Variants in PCDH9 observed in about 807,000 individuals in gnomAD.
The protein encoded by PCDH9 is protocadherin 9.
A neutral mutation model predicts 70.6 loss-of-function variants in PCDH9; 24 were observed. That is an observed-to-expected ratio of 0.34 (90% CI 0.25 to 0.48). The LOEUF is 0.48. PCDH9 is among the 20% of genes least tolerant of loss of function. PCDH9 has a pLI of 0.99. For missense variants in PCDH9, 1,281 were observed against 1,503.6 expected (o/e 0.85, Z 2.45); for synonymous variants, 562 against 558.5 (o/e 1.01, Z -0.09).
chr13:67,195,597 AC>A (rs1371502931), intron 2 of PCDH9, among the ~76,000 whole-genome samples: 1 of 152,186 alleles, frequency 6.6e-6, no homozygotes, highest in Non-Finnish European at 1.5e-5. Flanking sequence ...ATTTGTGCCA[AC>A]TAGAATGCTT....
intron 4 of PCDH9, among the ~76,000 whole-genome samples, chr13:66,623,418 TG>T (rs995251023): frequency 6.6e-6 from 1 of 152,172 alleles, no homozygotes; most frequent in African/African-American, 2.4e-5. Context: ...GCTCACCTGC[TG>T]GCAAGTAGGC....
intron 2 of PCDH9, chr13:67,217,113 C>T (rs1255871845): frequency 2.6e-5 from 4 of 151,922 alleles, no homozygotes; most frequent in African/African-American, 9.7e-5. Flanking sequence ...TTGCATCCAC[C>T]GAATCCAAAA....
At chr13:66,532,269 G>A (rs1960495908) in intron 4 of PCDH9, among the ~76,000 whole-genome samples, 1 of 151,840 alleles carries the variant, frequency 6.6e-6, no homozygotes, top group Admixed American at 6.6e-5. Context: ...CTCCCAAAGT[G>A]TCCGGATGAT....
At chr13:67,034,225 C>T (rs1207192489) in intron 2 of PCDH9, among the ~76,000 whole-genome samples, 1 of 152,046 alleles carries the variant, frequency 6.6e-6, no homozygotes. Flanking sequence ...CCTTGTTATC[C>T]ACCCACCTCA....
chr13:66,956,577 C>A (rs1287722181), intron 2 of PCDH9, among the ~76,000 whole-genome samples: 1 of 152,022 alleles, frequency 6.6e-6, no homozygotes. Context: ...ATGGTGAAAA[C>A]CCCTCTCTAC....
At chr13:66,732,577 A>T (rs1003727332) in intron 3 of PCDH9, among the ~76,000 whole-genome samples, 2 of 152,070 alleles carry the variant, frequency 1.3e-5, no homozygotes, top group African/African-American at 4.8e-5. Flanking sequence ...TATTAAAGCC[A>T]AATTTCCAAA....
intron 2 of PCDH9, among the ~76,000 whole-genome samples, chr13:67,006,185 C>T (rs936945572): frequency 1.3e-5 from 2 of 152,140 alleles, no homozygotes; most frequent in African/African-American, 4.8e-5. Context: ...GGAGATCGTG[C>T]CACTGCACTC....
rs1425269335 is a variant in PCDH9 at position 66,700,923 on chromosome 13, A to AAC, written c.3139-69513_3139-69512insGT. ...ATGAAAATATATGTGTGTACATATAAATATATATATATATATATATATATA... is the reference window on the plus strand; with the variant it reads ...ATGAAAATATATGTGTGTACATATAAACATATATATATATATATATATATATA... On this transcript the variant is annotated intron_variant, in intron 3 of 4. Transcript: ENST00000377865. 1.4e-3 allele frequency among the ~76,000 whole-genome samples: 82 copies of AAC among 58,450 alleles called. 1 individual carries two copies. Among genetic ancestry groups the AAC allele is most frequent in the Non-Finnish European group, 1.9e-3 (59 of 30,768 alleles). The allele number at this position is 58,450 out of a possible 152,430, so 38.3% of individuals were successfully genotyped here. A position where few individuals can be genotyped will look rare whatever the true frequency, so the allele number is the denominator to read the frequency against.
intron 2 of PCDH9, among the ~76,000 whole-genome samples, chr13:67,136,255 G>A (rs1006751503): frequency 1.3e-5 from 2 of 152,126 alleles, no homozygotes; most frequent in Non-Finnish European, 2.9e-5. Context: ...GCTGTACCAC[G>A]TAGCCTAGGT....
At chr13:66,492,011 C>T (rs987599539) in intron 4 of PCDH9, among the ~76,000 whole-genome samples, 8 of 152,096 alleles carry the variant, frequency 5.3e-5, no homozygotes, top group Non-Finnish European at 1.2e-4. Context: ...GTTTGGTTCT[C>T]AAATGGGTAT....
chr13:66,799,511 C>T (rs1034578496), intron 3 of PCDH9, among the ~76,000 whole-genome samples: 5 of 152,114 alleles, frequency 3.3e-5, no homozygotes, highest in African/African-American at 7.2e-5. Context: ...AACTTGTGTT[C>T]CTCTAATAGA....
At chr13:66,467,600 A>C (rs1958540590) in intron 4 of PCDH9, among the ~76,000 whole-genome samples, 1 of 152,060 alleles carries the variant, frequency 6.6e-6, no homozygotes, top group African/African-American at 2.4e-5. Flanking sequence ...CCATTATCTA[A>C]GGGCATGCTC....
chr13:66,539,611 C>G (rs1353942997), intron 4 of PCDH9, among the ~76,000 whole-genome samples: 4 of 152,064 alleles, frequency 2.6e-5, no homozygotes, highest in Non-Finnish European at 5.9e-5. Flanking sequence ...GTTACTGACC[C>G]ACAGAATCTG....
intron 3 of PCDH9, among the ~76,000 whole-genome samples, chr13:66,734,054 C>T (rs1012580351): frequency 3.9e-5 from 6 of 152,180 alleles, no homozygotes; most frequent in Middle Eastern, 3.4e-3. Flanking sequence ...GTAAGATTTC[C>T]CACACTAAAC....
At chr13:66,653,949 C>T (rs1303923634) in intron 3 of PCDH9, among the ~76,000 whole-genome samples, 1 of 124,538 alleles carries the variant, frequency 8.0e-6, no homozygotes, top group East Asian at 2.3e-4. Context: ...GCCTGGGCGA[C>T]AAAGCGAGAC....
chr13:66,651,084 G>T (rs2077844772), intron 3 of PCDH9, among the ~76,000 whole-genome samples: 1 of 150,950 alleles, frequency 6.6e-6, no homozygotes. Context: ...CAAAAAAGCA[G>T]AAAAACTTCA....
At chr13:66,724,491 T>C (rs924938266) in intron 3 of PCDH9, among the ~76,000 whole-genome samples, 6 of 152,192 alleles carry the variant, frequency 3.9e-5, no homozygotes, top group Admixed American at 2.6e-4. Flanking sequence ...TCTTATCTAT[T>C]GCAAGAGAAT....
intron 4 of PCDH9, among the ~76,000 whole-genome samples, chr13:66,424,651 T>C (rs1957636027): frequency 6.6e-6 from 1 of 151,948 alleles, no homozygotes; most frequent in South Asian, 2.1e-4. Context: ...GAAGTTTCCA[T>C]TACAGTATTC....
intron 2 of PCDH9, among the ~76,000 whole-genome samples, chr13:67,071,849 A>G (rs1356108589): frequency 1.4e-5 from 2 of 145,874 alleles, no homozygotes; most frequent in Non-Finnish European, 3.0e-5. Flanking sequence ...AGATTGCGCC[A>G]TTGCACTCCA....
Sources: gnomAD v4.1 joint callset for allele counts (sites outside exome capture counted in the v4.1 genomes callset) on GRCh38, gnomAD v4.1.1 for gene constraint, MANE v1.5 for transcripts, NCBI Gene and HGNC (gene_info 2026-07-23, HGNC 2026-07-21) for gene names.